ARSB: variants seen among roughly 807,000 people sequenced by gnomAD.
ARSB encodes N-acetylgalactosamine-4-sulfatase.
In ARSB, 41 loss-of-function variants were observed where a neutral mutation model predicts 50.9. That is an observed-to-expected ratio of 0.81 (90% CI 0.63 to 1.04). The LOEUF is 1.04. Ranked by LOEUF, ARSB falls within the 50% of genes least tolerant of loss-of-function variation. ARSB has a pLI of 0.00. For missense variants in ARSB, 672 were observed against 693.3 expected, an observed-to-expected ratio of 0.97 and a Z score of 0.35; for synonymous variants, 269 against 284.8, an observed-to-expected ratio of 0.94 and a Z score of 0.56.
chr5:78,921,571 TTTAAAATTACATATGTGGAGAAGA>T (rs1333088217), intron 4 of ARSB, among the ~76,000 whole-genome samples: 1 of 152,234 alleles, frequency 6.6e-6, no homozygotes, highest in African/African-American at 2.4e-5. Context: ...AATGTGGCTA[TTTAAAATTACATATGTGGAGAAGA>T]TTAAAATCAT....
In ARSB at chr5:78,955,455, C is replaced by A. The variant is rs1462915381; in HGVS notation, c.738G>T (p.Gln246His). The A allele has an allele frequency of 1.2e-6, 2 of 1,614,032 alleles. No individual in the cohort carries two copies. Among genetic ancestry groups the A allele is most frequent in the African/African-American group, 2.7e-5 (2 of 74,904 alleles). ...LALQSVHEPL[Q>H]VPEEYLKPYD... ...ATGGCTTCAAGTATTCCTCAGGGAC[C>A]TGAAGGGGCTCATGCACAGACTGGA... The change falls in exon 4 of 8, where the codon CAG becomes CAT. Residue 246 changes from glutamine (Q) to histidine (H), a missense_variant. Physicochemically the swap from Gln to His is conservative, Grantham distance 24. Transcript: ENST00000264914.
intron 4 of ARSB, among the ~76,000 whole-genome samples, chr5:78,921,026 A>T (rs950120344): frequency 6.6e-6 from 1 of 151,820 alleles, no homozygotes; most frequent in Non-Finnish European, 1.5e-5. Context: ...CAGTCTCTCC[A>T]CTCTCTCATA....
intron 4 of ARSB, among the ~76,000 whole-genome samples, chr5:78,937,254 GAT>G (rs1206556453): frequency 6.9e-6 from 1 of 144,962 alleles, no homozygotes; most frequent in Admixed American, 7.0e-5. Flanking sequence ...AAGGAAGTTC[GAT>G]ATATATATAT....
chr5:78,942,134 T>C (rs1750963126), intron 4 of ARSB, among the ~76,000 whole-genome samples: 1 of 152,228 alleles, frequency 6.6e-6, no homozygotes, highest in Non-Finnish European at 1.5e-5. Flanking sequence ...TGATATCCCC[T>C]TTATCATTTT....
chr5:78,891,721 A>G lies in ARSB; in HGVS notation c.899-5894T>C, dbSNP rs570928843. Among the ~76,000 whole-genome samples, 8 of 152,316 alleles carry G rather than the reference A, an allele frequency of 5.3e-5. No individual in the cohort carries two copies. In the South Asian group the frequency reaches 1.0e-3, roughly 20 times the overall value. The stretch of plus-strand genomic sequence containing the variant: ...AGGAGGCCTTATGCAATCGCACATT[A>G]GAGACTAGGGTGTCTGTGTCAAGGC... On this transcript the variant is annotated intron_variant, in intron 4 of 7. Transcript: ENST00000264914.
chr5:78,843,621 C>A (rs1342620229), intron 5 of ARSB, among the ~76,000 whole-genome samples: 1 of 152,200 alleles, frequency 6.6e-6, no homozygotes, highest in East Asian at 1.9e-4. Flanking sequence ...GGTATATTCA[C>A]ATGGTTGCAC....
At chr5:78,909,102 A>C (rs1239296444) in intron 4 of ARSB, among the ~76,000 whole-genome samples, 1 of 152,250 alleles carries the variant, frequency 6.6e-6, no homozygotes, top group Non-Finnish European at 1.5e-5. Context: ...AATTGGAAGC[A>C]TGGAGACTTG....
intron 4 of ARSB, among the ~76,000 whole-genome samples, chr5:78,917,925 A>G (rs944875112): frequency 6.6e-6 from 1 of 152,244 alleles, no homozygotes; most frequent in Non-Finnish European, 1.5e-5. Flanking sequence ...TTAGAAACTT[A>G]TAAGAGAACA....
intron 5 of ARSB, among the ~76,000 whole-genome samples, chr5:78,853,468 T>C (rs989034158): frequency 1.3e-5 from 2 of 152,164 alleles, no homozygotes; most frequent in Admixed American, 6.5e-5. Context: ...CTGCCCCTAC[T>C]GGGGGGTGCC....
chr5:78,780,760 G>T, intron 7 of ARSB, 98 bp from the exon 8 acceptor site: 1 of 1,446,450 alleles, frequency 6.9e-7, no homozygotes, highest in Non-Finnish European at 9.6e-7. Flanking sequence ...CTGGGTTGTG[G>T]GTGTGGAAAC....
chr5:78,982,009 C>T (rs1222488166), intron 1 of ARSB, among the ~76,000 whole-genome samples: 2 of 31,162 alleles, frequency 6.4e-5, no homozygotes, highest in East Asian at 5.4e-4. Context: ...CTGCAAGCTC[C>T]GCTTCCCGGG....
In ARSB at chr5:78,909,233, A is replaced by AT. The variant is rs1170113571; in HGVS notation, c.899-23407dup. On this transcript the variant is annotated intron_variant, in intron 4 of 7. Transcript: ENST00000264914. ...TTATGATATTAGCTTATGCTCACAC[A>AT]TTTTTTTTTCCAGAGAGTACTTGAC... 2.6e-4 allele frequency among the ~76,000 whole-genome samples: 39 copies of AT among 151,512 alleles called. No individual in the cohort carries two copies. In the East Asian group the frequency reaches 4.3e-3, roughly 17 times the overall value.
intron 6 of ARSB, among the ~76,000 whole-genome samples, chr5:78,791,681 C>T (rs1193282782): frequency 6.6e-6 from 1 of 152,252 alleles, no homozygotes; most frequent in African/African-American, 2.4e-5. Flanking sequence ...GTGGTAAGGG[C>T]TTACATATCC....
At chr5:78,936,263 T>G (rs1376102587) in intron 4 of ARSB, among the ~76,000 whole-genome samples, 1 of 150,686 alleles carries the variant, frequency 6.6e-6, no homozygotes, top group Non-Finnish European at 1.5e-5. Flanking sequence ...TAGCTGGAAT[T>G]GCAGGCACAA....
chr5:78,921,103 C>G (rs575640731), intron 4 of ARSB, among the ~76,000 whole-genome samples: 8 of 152,160 alleles, frequency 5.3e-5, no homozygotes, highest in Non-Finnish European at 1.0e-4. Flanking sequence ...ATGACCTGTC[C>G]TTTTCTCCTT....
Position 78,985,032 on chromosome 5 carries a change from C to A in ARSB, c.217G>T (p.Asp73Tyr). The A allele has an allele frequency of 6.5e-7, 1 of 1,542,550 alleles. No homozygotes were observed. The highest frequency in any genetic ancestry group is 8.7e-7 in the Non-Finnish European group (1 of 1,146,672). Reference sequence around the variant, plus strand: ...AGCACCCCGCCGGCCGCCAGCGCGTCCAGGTGCGGCGTGCGGATGCGGGAG... The same window carrying A: ...AGCACCCCGCCGGCCGCCAGCGCGTACAGGTGCGGCGTGCGGATGCGGGAG... ...HGSRIRTPHL[D>Y]ALAAGGVLLD... Residue 73 changes from aspartate to tyrosine, a missense_variant, in exon 1 of 8, where the codon GAC becomes TAC. Physicochemically the swap from Asp to Tyr is radical, Grantham distance 160. Transcript: ENST00000264914.
intron 6 of ARSB, among the ~76,000 whole-genome samples, chr5:78,823,619 T>C (rs1335128104): frequency 5.3e-5 from 8 of 152,184 alleles, no homozygotes; most frequent in Non-Finnish European, 1.0e-4. Context: ...GATACTGAGC[T>C]CCTTGCCATT....
At chr5:78,876,176 T>G (rs1036372285) in intron 5 of ARSB, among the ~76,000 whole-genome samples, 5 of 151,804 alleles carry the variant, frequency 3.3e-5, no homozygotes, top group Admixed American at 3.3e-4. Context: ...TATATAAAAT[T>G]TCGCAACATG....
intron 4 of ARSB, among the ~76,000 whole-genome samples, chr5:78,930,132 G>A (rs111592448): frequency 6.6e-6 from 1 of 152,122 alleles, no homozygotes; most frequent in East Asian, 1.9e-4. Context: ...GGACTCCAGA[G>A]GGACCTTCAA....
Sources: gnomAD v4.1 joint callset for allele counts (sites outside exome capture counted in the v4.1 genomes callset) on GRCh38, gnomAD v4.1.1 for gene constraint, MANE v1.5 for transcripts, NCBI Gene and HGNC (gene_info 2026-07-23, HGNC 2026-07-21) for gene names.